IQGAP2: variants seen among roughly 807,000 people sequenced by gnomAD.
IQGAP2 encodes the protein IQ motif containing GTPase activating protein 2, also known as ras GTPase-activating-like protein IQGAP2.
A neutral mutation model predicts 201.3 loss-of-function variants in IQGAP2; 173 were observed. That is an observed-to-expected ratio of 0.86 (90% CI 0.76 to 0.98). The LOEUF (loss-of-function observed/expected upper bound fraction) is 0.98, where lower values mean the gene tolerates loss of function less well. IQGAP2 is among the 50% of genes least tolerant of loss of function. The pLI, the probability that IQGAP2 is intolerant of heterozygous loss-of-function variation, is 0.00. For synonymous variants in IQGAP2, 675 were observed against 673.9 expected (o/e 1.00, Z -0.03); for missense variants, 1,687 against 1,864.8 (o/e 0.90, Z 1.76).
intron 2 of IQGAP2, among the ~76,000 whole-genome samples, chr5:76,541,851 C>T (rs78783421): frequency 0.016 from 2,499 of 152,278 alleles, 57 homozygotes; most frequent in African/African-American, 0.056. Flanking sequence ...AGCTTTCCCC[C>T]GCTATAAACT....
At position 76,673,933 on chromosome 5, in the gene IQGAP2, T is replaced by C; in HGVS notation, c.3210-19T>C. On this transcript the variant is annotated intron_variant, in intron 25 of 35. Coordinates refer to ENST00000274364, the MANE Select transcript of IQGAP2 (RefSeq NM_006633.5). The stretch of plus-strand genomic sequence containing the variant: ...GCCTTTTTTCCATTATTTTCTTTTG[T>C]CATCTGTTTTATATGTAGTTATGGA... The C allele has an allele frequency of 2.9e-6, 4 of 1,389,706 alleles. No homozygotes were observed. Among genetic ancestry groups the C allele is most frequent in the Middle Eastern group, 1.8e-4 (1 of 5,672 alleles). 86.1% of individuals were successfully genotyped at this position (1,389,706 alleles called of 1,614,324 possible).
In IQGAP2 at chr5:76,652,801, A is replaced by G. The variant is rs1173346395; in HGVS notation, c.2146A>G (p.Thr716Ala). The G allele has an allele frequency of 1.9e-6, 3 of 1,610,514 alleles. No homozygotes were observed. Among genetic ancestry groups the G allele is most frequent in the African/African-American group, 1.3e-5 (1 of 74,996 alleles). The part of the protein sequence containing the change: ...QRKEYMHRRQ[T>A]FIDNTDSIVK... The stretch of plus-strand genomic sequence containing the variant: ...GAAGGAGTATATGCACAGGCGGCAA[A>G]CGTTCATTGATAATACTGATTCTAT... The change falls in exon 18 of 36, where the codon ACG becomes GCG. Residue 716 changes from threonine to alanine, a missense_variant. Physicochemically the swap from Thr to Ala is moderately conservative, Grantham distance 58. Coordinates refer to ENST00000274364, the MANE Select transcript of IQGAP2 (RefSeq NM_006633.5).
At chr5:76,680,828 G>T (rs867892139) in intron 28 of IQGAP2, among the ~76,000 whole-genome samples, 84 of 149,618 alleles carry the variant, frequency 5.6e-4, no homozygotes, top group African/African-American at 1.9e-3. Context: ...ATTTCATCCA[G>T]GTGCAGTGGC....
At chr5:76,702,721 A>G (rs1747519387) in intron 35 of IQGAP2, 131 bp downstream of exon 35, 3 of 583,676 alleles carry the variant, frequency 5.1e-6, no homozygotes, top group Middle Eastern at 2.6e-4. Flanking sequence ...ATTTGCCAAT[A>G]TTTGTTAAGT....
At chr5:76,490,144 T>C (rs1451839833) in intron 2 of IQGAP2, among the ~76,000 whole-genome samples, 1 of 152,226 alleles carries the variant, frequency 6.6e-6, no homozygotes, top group Non-Finnish European at 1.5e-5. Flanking sequence ...TCTTGCGGAC[T>C]TCTCAGGAGG....
At chr5:76,450,173 C>T (rs1448787030) in intron 1 of IQGAP2, among the ~76,000 whole-genome samples, 1 of 152,160 alleles carries the variant, frequency 6.6e-6, no homozygotes, top group Non-Finnish European at 1.5e-5. Context: ...GAGAGCTGTT[C>T]TCTGTGTATT....
chr5:76,455,407 C>G (rs551860414), intron 1 of IQGAP2, among the ~76,000 whole-genome samples: 2 of 140,274 alleles, frequency 1.4e-5, no homozygotes, highest in African/African-American at 5.5e-5. Context: ...GAGCCAAGAT[C>G]GTACTACTGC....
intron 4 of IQGAP2, among the ~76,000 whole-genome samples, chr5:76,571,962 AACC>A (rs1397191811): frequency 6.6e-6 from 1 of 152,190 alleles, no homozygotes; most frequent in East Asian, 1.9e-4. Context: ...AGATCTGTGT[AACC>A]ACCACCACAA....
In IQGAP2 at chr5:76,701,213, A is replaced by T; in HGVS notation, c.4505A>T (p.Gln1502Leu). Reference sequence around the variant, plus strand: ...GATATAGATGATCTTCAAACAAACCAGTAAGTGTGACCTGGAATCTGCATA... The same window carrying T: ...GATATAGATGATCTTCAAACAAACCTGTAAGTGTGACCTGGAATCTGCATA... ...LLDIDDLQTN[Q>L]FKNVTFDIIA... The change falls in exon 34 of 36, where the codon CAG becomes CTG. Residue 1502 changes from glutamine to leucine, a missense_variant and splice_region_variant. By Grantham distance (113) the Gln-to-Leu change is moderately radical (BLOSUM62 -2). Transcript: ENST00000274364. The T allele has an allele frequency of 6.2e-7, 1 of 1,613,882 alleles. No individual in the cohort carries two copies. The highest frequency in any genetic ancestry group is 2.2e-5 in the East Asian group (1 of 44,902).
chr5:76,638,214 A>C (rs1036806234), intron 16 of IQGAP2, among the ~76,000 whole-genome samples: 8 of 152,200 alleles, frequency 5.3e-5, no homozygotes, highest in Non-Finnish European at 7.3e-5. Context: ...CCCCATCTTT[A>C]CTAAAAATAC....
At chr5:76,521,670 C>T (rs1300481665) in intron 2 of IQGAP2, among the ~76,000 whole-genome samples, 5 of 152,236 alleles carry the variant, frequency 3.3e-5, no homozygotes, top group Middle Eastern at 3.4e-3. Context: ...GTCTGTGTCC[C>T]GTGACTTTCA....
chr5:76,409,582 A>G (rs1265669334), intron 1 of IQGAP2, among the ~76,000 whole-genome samples: 1 of 152,208 alleles, frequency 6.6e-6, no homozygotes. Flanking sequence ...TCCAAGCTTC[A>G]TCAAAAGATT....
chr5:76,614,971 C>A (rs924276232), intron 13 of IQGAP2, among the ~76,000 whole-genome samples: 1 of 152,150 alleles, frequency 6.6e-6, no homozygotes, highest in Non-Finnish European at 1.5e-5. Context: ...AGGTGGAGGA[C>A]AGTAATGGAA....
rs765909798 is a variant in IQGAP2, at chr5:76,562,561, GA to G, written c.303+10del. The G allele has an allele frequency of 3.7e-6, 6 of 1,606,518 alleles. No individual in the cohort carries two copies. In the African/African-American group the frequency reaches 8.0e-5, roughly 22 times the overall value. On this transcript the variant is annotated intron_variant, in intron 3 of 35. Coordinates refer to ENST00000274364, the MANE Select transcript of IQGAP2 (RefSeq NM_006633.5). Reference sequence around the variant, plus strand: ...AACAAACACGTTATAAGGTAACCAAGATCTAATTGGTTTTGGCTTCCAGCTA... The same window carrying G: ...AACAAACACGTTATAAGGTAACCAAGTCTAATTGGTTTTGGCTTCCAGCTA...
intron 2 of IQGAP2, among the ~76,000 whole-genome samples, chr5:76,553,530 C>G (rs1743705963): frequency 6.6e-6 from 1 of 152,198 alleles, no homozygotes; most frequent in African/African-American, 2.4e-5. Flanking sequence ...CACAAAACAA[C>G]TTTCGTATGT....
At chr5:76,535,855 G>A (rs1038797931) in intron 2 of IQGAP2, among the ~76,000 whole-genome samples, 5 of 152,180 alleles carry the variant, frequency 3.3e-5, no homozygotes, top group South Asian at 2.1e-4. Context: ...AGAGAATGTC[G>A]GAAACAAAAC....
intron 13 of IQGAP2, chr5:76,617,320 G>C (rs1749076543): frequency 2.9e-6 from 1 of 349,706 alleles, no homozygotes; most frequent in Admixed American, 4.3e-5. Context: ...GCATGGTGGT[G>C]TAATCCCAGC....
chr5:76,424,234 T>C (rs1751878728), intron 1 of IQGAP2, among the ~76,000 whole-genome samples: 1 of 152,218 alleles, frequency 6.6e-6, no homozygotes, highest in Admixed American at 6.5e-5. Context: ...TGTCTACTTT[T>C]ATTTTCCCTT....
rs145113303 is a variant in IQGAP2, at chr5:76,640,947, A to G, written c.1938A>G (p.Glu646=). The G allele has an allele frequency of 1.3e-4, 213 of 1,588,680 alleles. No homozygotes were observed. The East Asian group carries it at 4.6e-3, about 35-fold the overall frequency. Residue 646 remains glutamate, a synonymous_variant, in exon 17 of 36, where the codon GAA becomes GAG. Coordinates refer to ENST00000274364, the MANE Select transcript of IQGAP2 (RefSeq NM_006633.5). ...TCTCTTGCCAGGACATTATTGAGGA[A>G]GTCACAGTAGGTTACATTCGTGAGA... ...TGKEIEDIIE[E]VTVGYIRENI...
Sources: allele counts gnomAD v4.1 joint callset (sites outside exome capture counted in the v4.1 genomes callset), GRCh38; gene constraint gnomAD v4.1.1; transcripts MANE v1.5; gene names NCBI Gene and HGNC (gene_info 2026-07-23, HGNC 2026-07-21).